Variants in THRB observed in about 807,000 individuals in gnomAD.
THRB encodes thyroid hormone receptor beta.
Under a neutral mutation model 47.8 loss-of-function variants are expected in THRB, and 12 were observed. The observed-to-expected ratio is 0.25, with a 90% CI of 0.16 to 0.41. The LOEUF (loss-of-function observed/expected upper bound fraction) is 0.41, where lower values mean the gene tolerates loss of function less well. Ranked by LOEUF, THRB falls within the 10% of genes least tolerant of loss-of-function variation. The probability of loss-of-function intolerance (pLI) is 1.00; values close to 1 mark genes in which losing one functional copy is unlikely to be tolerated. For synonymous variants in THRB, 218 were observed against 212.2 expected (o/e 1.03, Z -0.24); for missense variants, 348 against 589.2 (o/e 0.59, Z 4.24).
chr3:24,341,188 G>GTTTCC (rs142996757), intron 1 of THRB, among the ~76,000 whole-genome samples: 2 of 130,104 alleles, frequency 1.5e-5, no homozygotes, highest in African/African-American at 2.9e-5. Context: ...CTTTCCTTTC[G>GTTTCC]TTTCCTTTCC....
In THRB at chr3:24,122,473, T is replaced by C. The variant is rs826375; in HGVS notation, c.*411A>G. The stretch of plus-strand genomic sequence containing the variant: ...CTAACTAAAGGTGGTCTGTGCTCTG[T>C]TAACTTCAGCCCTGCGAACATCAGG... On this transcript the variant is annotated 3_prime_UTR_variant, in exon 11 of 11. Coordinates refer to ENST00000646209, the MANE Select transcript of THRB (RefSeq NM_001354712.2). 68,061 of 288,550 alleles carry C rather than the reference T, an allele frequency of 0.24. 8,997 individuals are homozygous for C. The highest frequency in any genetic ancestry group is 0.58 in the East Asian group (6,860 of 11,740). The allele number at this position is 288,550 out of a possible 1,614,324, so 17.9% of individuals were successfully genotyped here. A position where few individuals can be genotyped will look rare whatever the true frequency, so the allele number is the denominator to read the frequency against.
intron 6 of THRB, among the ~76,000 whole-genome samples, chr3:24,148,523 A>G (rs1301757023): frequency 6.6e-6 from 1 of 152,192 alleles, no homozygotes; most frequent in Non-Finnish European, 1.5e-5. Flanking sequence ...CCGCCTCCCA[A>G]AGTGCTGGGA....
chr3:24,351,833 C>T lies in THRB; in HGVS notation c.-260-14462G>A, dbSNP rs114804816. On this transcript the variant is annotated intron_variant, in intron 1 of 10. Transcript: ENST00000646209. ...TAGACACATGAGAGCAGATGGTGACCGGGACTAAGTGCCTGGAGCTCACCT... is the reference window on the plus strand; with the variant it reads ...TAGACACATGAGAGCAGATGGTGACTGGGACTAAGTGCCTGGAGCTCACCT... Among the ~76,000 whole-genome samples, 296 of 152,228 alleles carry T rather than the reference C, an allele frequency of 1.9e-3. 1 individual carries two copies. Among genetic ancestry groups the T allele is most frequent in the African/African-American group, 7.0e-3 (290 of 41,548 alleles).
At position 24,123,091 on chromosome 3, in the gene THRB, T is replaced by C. The variant is rs763063732; in HGVS notation, c.1179A>G (p.Glu393=). 7 of 1,614,156 alleles carry C rather than the reference T, an allele frequency of 4.3e-6. No homozygotes were observed. Among genetic ancestry groups the C allele is most frequent in the Non-Finnish European group, 5.9e-6 (7 of 1,180,024 alleles). ...RPGLACVERI[E]KYQDSFLLAF... Reference sequence around the variant, plus strand: ...CCAGCAGGAAACTATCTTGGTACTTTTCTATTCTCTCAACACAGGCAAGCC... The same window carrying C: ...CCAGCAGGAAACTATCTTGGTACTTCTCTATTCTCTCAACACAGGCAAGCC... The change falls in exon 11 of 11, where the codon GAA becomes GAG. Residue 393 remains glutamate, a synonymous_variant. Transcript: ENST00000646209.
chr3:24,351,499 G>A (rs1262498083), intron 1 of THRB, among the ~76,000 whole-genome samples: 1 of 152,110 alleles, frequency 6.6e-6, no homozygotes, highest in Non-Finnish European at 1.5e-5. Flanking sequence ...GTTATTGAAT[G>A]AACAGTGGTA....
intron 1 of THRB, among the ~76,000 whole-genome samples, chr3:24,359,502 A>C (rs1019147680): frequency 1.3e-5 from 2 of 152,098 alleles, no homozygotes; most frequent in African/African-American, 4.8e-5. Context: ...GCCCAAATTC[A>C]AGGGGAGGGG....
intron 4 of THRB, among the ~76,000 whole-genome samples, chr3:24,202,418 C>T (rs2044700783): frequency 6.6e-6 from 1 of 152,068 alleles, no homozygotes; most frequent in African/African-American, 2.4e-5. Context: ...AGTAAATTAA[C>T]CAAACAAGAG....
At chr3:24,156,317 G>A (rs986529584) in intron 5 of THRB, among the ~76,000 whole-genome samples, 3 of 152,198 alleles carry the variant, frequency 2.0e-5, no homozygotes, top group Admixed American at 2.0e-4. Flanking sequence ...TCTTTTGAGT[G>A]AATTATAACA....
At chr3:24,489,798 T>C (rs1393693834) in intron 1 of THRB, among the ~76,000 whole-genome samples, 1 of 152,172 alleles carries the variant, frequency 6.6e-6, no homozygotes, top group Admixed American at 6.5e-5. Context: ...AATATATTAC[T>C]TGTGACTCAG....
intron 1 of THRB, among the ~76,000 whole-genome samples, chr3:24,463,252 T>C (rs2073851181): frequency 6.6e-6 from 1 of 152,236 alleles, no homozygotes; most frequent in Non-Finnish European, 1.5e-5. Context: ...ATCTCATTTC[T>C]AAATTTGATA....
intron 3 of THRB, among the ~76,000 whole-genome samples, chr3:24,281,170 T>G (rs1210832527): frequency 6.6e-6 from 1 of 151,854 alleles, no homozygotes; most frequent in Non-Finnish European, 1.5e-5. Context: ...GGAAAAAATG[T>G]TAAGGGCAGC....
rs182246077 is a variant in THRB at position 24,139,880 on chromosome 3, C to T, written c.738+3621G>A. ...ATACTATTGTTAACATGATAGGCCT[C>T]CTCAAATTCTTTTTTGGAACAAAAT... On this transcript the variant is annotated intron_variant, in intron 8 of 10. Coordinates refer to ENST00000646209, the MANE Select transcript of THRB (RefSeq NM_001354712.2). Among the ~76,000 whole-genome samples the T allele has an allele frequency of 6.4e-4, 98 of 152,284 alleles. 1 individual carries two copies. The highest frequency in any genetic ancestry group is 2.2e-3 in the African/African-American group (90 of 41,558).
At chr3:24,313,926 G>T (rs1475114981) in intron 2 of THRB, among the ~76,000 whole-genome samples, 3 of 152,168 alleles carry the variant, frequency 2.0e-5, no homozygotes, top group African/African-American at 7.2e-5. Context: ...CTAGAATGCT[G>T]TCTATAATAT....
chr3:24,283,393 C>T (rs2054850148), intron 3 of THRB, among the ~76,000 whole-genome samples: 1 of 151,788 alleles, frequency 6.6e-6, no homozygotes, highest in Admixed American at 6.6e-5. Context: ...ACACTTCATG[C>T]TAAAAACTCT....
intron 4 of THRB, among the ~76,000 whole-genome samples, chr3:24,191,410 C>A (rs1212176436): frequency 6.6e-6 from 1 of 151,796 alleles, no homozygotes; most frequent in African/African-American, 2.4e-5. Context: ...TTTATATGGT[C>A]TTTTTAAAGT....
chr3:24,261,359 C>T (rs1250112428), intron 3 of THRB, among the ~76,000 whole-genome samples: 5 of 151,902 alleles, frequency 3.3e-5, no homozygotes, highest in South Asian at 4.2e-4. Context: ...ATTAGCTGGG[C>T]GTGGTGGCAC....
chr3:24,284,761 A>C (rs1303822129), intron 3 of THRB, among the ~76,000 whole-genome samples: 1 of 150,024 alleles, frequency 6.7e-6, no homozygotes, highest in African/African-American at 2.5e-5. Flanking sequence ...CCCATCAAAA[A>C]GTGGGCAGAG....
At chr3:24,415,820 A>G (rs2068687902) in intron 1 of THRB, among the ~76,000 whole-genome samples, 1 of 151,858 alleles carries the variant, frequency 6.6e-6, no homozygotes, top group African/African-American at 2.4e-5. Flanking sequence ...AATGGCTAGT[A>G]TCCTAACTTA....
intron 1 of THRB, among the ~76,000 whole-genome samples, chr3:24,453,947 C>A (rs547260106): frequency 6.6e-6 from 1 of 152,278 alleles, no homozygotes; most frequent in African/African-American, 2.4e-5. Context: ...TTCTTGACCC[C>A]TTTCCCCAAA....
Sources: allele counts gnomAD v4.1 joint callset (sites outside exome capture counted in the v4.1 genomes callset), GRCh38; gene constraint gnomAD v4.1.1; transcripts MANE v1.5; gene names NCBI Gene and HGNC (gene_info 2026-07-23, HGNC 2026-07-21).